Variants in PSMB1 observed in about 807,000 individuals in gnomAD.
PSMB1 encodes proteasome 20S subunit beta 1, also known as proteasome subunit beta type-1.
A neutral mutation model predicts 25.4 loss-of-function variants in PSMB1; 7 were observed. The ratio of observed to expected loss-of-function variants is 0.28; its 90% CI spans 0.16 to 0.52. The LOEUF (loss-of-function observed/expected upper bound fraction) is 0.52, where lower values mean the gene tolerates loss of function less well. Among genes scored for constraint, PSMB1 ranks in the 20% least tolerant of loss-of-function variants. The probability of loss-of-function intolerance (pLI) is 0.97; values close to 1 mark genes in which losing one functional copy is unlikely to be tolerated. For synonymous variants in PSMB1, 119 were observed against 115.0 expected, an observed-to-expected ratio of 1.03 and a Z score of -0.22; for missense variants, 284 against 302.2, an observed-to-expected ratio of 0.94 and a Z score of 0.45.
chr6:170,541,511 A>G (rs1300743441), intron 4 of PSMB1, among the ~76,000 whole-genome samples: 1 of 152,164 alleles, frequency 6.6e-6, no homozygotes, highest in Non-Finnish European at 1.5e-5. Flanking sequence ...CAAAACACCA[A>G]AAGATATCTC....
chr6:170,552,512 A>G (rs1285956645), intron 1 of PSMB1, among the ~76,000 whole-genome samples: 1 of 110,348 alleles, frequency 9.1e-6, no homozygotes, highest in Non-Finnish European at 1.8e-5. Flanking sequence ...AACTTAAGCT[A>G]AACGTTAAAA....
chr6:170,552,504 C>G (rs944912051), intron 1 of PSMB1, among the ~76,000 whole-genome samples: 3 of 131,130 alleles, frequency 2.3e-5, no homozygotes, highest in Non-Finnish European at 4.8e-5. Context: ...TTTTCCTGAA[C>G]TTAAGCTAAA....
chr6:170,549,944 G>A (rs1778870286), intron 1 of PSMB1: 1 of 152,344 alleles, frequency 6.6e-6, no homozygotes, highest in Middle Eastern at 3.4e-3. Context: ...AATTACATGA[G>A]ACAGAGACCC....
At chr6:170,546,010 A>G (rs1778812381) in intron 3 of PSMB1, 93 bp downstream of exon 3, 1 of 1,051,596 alleles carries the variant, frequency 9.5e-7, no homozygotes, top group Non-Finnish European at 1.4e-6. Flanking sequence ...GTGACTCTCT[A>G]GCTATCTGAC....
chr6:170,537,474 A>G, intron 4 of PSMB1, 134 bp from the exon 5 acceptor site: 1 of 663,438 alleles, frequency 1.5e-6, no homozygotes, highest in Non-Finnish European at 2.7e-6. Context: ...CAGTTGGAAC[A>G]CAGCCACTGT....
intron 4 of PSMB1, 116 bp downstream of exon 4, chr6:170,543,485 G>T: frequency 9.1e-7 from 1 of 1,100,170 alleles, no homozygotes; most frequent in East Asian, 2.6e-5. Context: ...TATCAGAAAT[G>T]AAATGAGAAT....
In PSMB1 at chr6:170,551,571, G is replaced by A. The variant is rs144790722; in HGVS notation, c.113+1559C>T. Among the ~76,000 whole-genome samples the A allele has an allele frequency of 5.2e-4, 79 of 152,178 alleles. No individual in the cohort carries two copies. In the East Asian group the frequency reaches 0.011, roughly 21 times the overall value. ...TACAAGGGATTAAAAAGTGAGTAAC[G>A]AGTAGGGCATACTGAACACTGAAAA... is the stretch of plus-strand genomic sequence containing the variant. On this transcript the variant is annotated intron_variant, in intron 1 of 5. Coordinates refer to ENST00000262193, the MANE Select transcript of PSMB1 (RefSeq NM_002793.4).
At chr6:170,536,290 C>CATTTA (rs1258018981) in intron 5 of PSMB1, 1 of 431,248 alleles carries the variant, frequency 2.3e-6, no homozygotes, top group Non-Finnish European at 4.6e-6. Context: ...GCTATTTTAT[C>CATTTA]ATTTACTACC....
At chr6:170,549,271 G>A (rs148258527) in intron 1 of PSMB1, 158 bp from the exon 2 acceptor site, 6 of 510,958 alleles carry the variant, frequency 1.2e-5, no homozygotes, top group Admixed American at 3.6e-5. Context: ...GAGAATGAAC[G>A]CCTGGCTACG....
chr6:170,539,256 G>A (rs1401470097), intron 4 of PSMB1, among the ~76,000 whole-genome samples: 1 of 152,140 alleles, frequency 6.6e-6, no homozygotes, highest in Non-Finnish European at 1.5e-5. Flanking sequence ...GATGGGAGAA[G>A]TTTTTCTAAC....
intron 4 of PSMB1, 23 bp downstream of exon 4, chr6:170,543,578 T>C: frequency 1.3e-6 from 2 of 1,588,034 alleles, no homozygotes; most frequent in Non-Finnish European, 8.6e-7. Flanking sequence ...CCCCCACCAT[T>C]TTCCAGAAAG....
chr6:170,535,478 A>G, intron 5 of PSMB1, 73 bp from the exon 6 acceptor site: 2 of 1,288,232 alleles, frequency 1.6e-6, no homozygotes, highest in Admixed American at 2.1e-5. Context: ...GTTTCTTCCA[A>G]TACCCTCATG....
chr6:170,549,198 A>G, intron 1 of PSMB1, 85 bp from the exon 2 acceptor site: 2 of 691,754 alleles, frequency 2.9e-6, no homozygotes, highest in East Asian at 5.6e-5. Context: ...ACATAATGGG[A>G]TAAAATACTC....
In PSMB1 at chr6:170,553,221, A is replaced by G. The variant is rs1022833476; in HGVS notation, c.22T>C (p.Tyr8His). ...CCCAAGTCTCTGCCAGGAGCCGAAT[A>G]CATGGCTGTAGAGGACAACATCGCA... MLSSTAM[Y>H]SAPGRDLGME... Residue 8 changes from tyrosine to histidine, a missense_variant, in exon 1 of 6, where the codon TAT becomes CAT. Tyr to His is a moderately conservative substitution (Grantham distance 83). Transcript: ENST00000262193. 3 of 1,613,134 alleles carry G rather than the reference A, an allele frequency of 1.9e-6. No homozygotes were observed. Among genetic ancestry groups the G allele is most frequent in the Non-Finnish European group, 2.5e-6 (3 of 1,179,666 alleles).
rs552955803 is a variant in PSMB1, at chr6:170,549,281, G to A, written c.114-168C>T. 21 of 507,194 alleles carry A rather than the reference G, an allele frequency of 4.1e-5. No homozygotes were observed. The South Asian group carries it at 6.0e-4, about 15-fold the overall frequency. 31.4% of individuals were successfully genotyped at this position (507,194 alleles called of 1,614,324 possible). A position where few individuals can be genotyped will look rare whatever the true frequency, so the allele number is the denominator to read the frequency against. On this transcript the variant is annotated intron_variant, in intron 1 of 5. Transcript: ENST00000262193. ...GGGAAGAGAATGAACGCCTGGCTAC[G>A]AGTTGTCTGGGAAAAAAAAATTATT... is the stretch of plus-strand genomic sequence containing the variant.
intron 2 of PSMB1, among the ~76,000 whole-genome samples, chr6:170,546,527 G>A (rs1027799101): frequency 6.6e-6 from 1 of 152,158 alleles, no homozygotes; most frequent in East Asian, 1.9e-4. Context: ...ATGCAGTGGC[G>A]CAATCTTGGC....
intron 3 of PSMB1, 112 bp from the exon 4 acceptor site, chr6:170,543,842 G>A (rs1778784977): frequency 3.7e-6 from 4 of 1,082,078 alleles, no homozygotes; most frequent in Non-Finnish European, 3.8e-6. Flanking sequence ...GAAGGGGAAA[G>A]CATGCCTATT....
intron 4 of PSMB1, among the ~76,000 whole-genome samples, chr6:170,540,238 A>C (rs1258257983): frequency 6.6e-6 from 1 of 152,176 alleles, no homozygotes; most frequent in African/African-American, 2.4e-5. Flanking sequence ...ATCCACCAAC[A>C]CAGAAGACAG....
At chr6:170,551,175 G>C (rs185551911) in intron 1 of PSMB1, among the ~76,000 whole-genome samples, 19 of 152,170 alleles carry the variant, frequency 1.2e-4, no homozygotes, top group Admixed American at 8.5e-4. Flanking sequence ...AGGAGATGAA[G>C]GGGAATAATT....
Sources: allele counts gnomAD v4.1 joint callset (sites outside exome capture counted in the v4.1 genomes callset), GRCh38; gene constraint gnomAD v4.1.1; transcripts MANE v1.5; gene names NCBI Gene and HGNC (gene_info 2026-07-23, HGNC 2026-07-21).